TRAF3: variants seen among roughly 807,000 people sequenced by gnomAD.
TRAF3 encodes TNF receptor associated factor 3.
A neutral mutation model predicts 62.3 loss-of-function variants in TRAF3; 13 were observed. That is an observed-to-expected ratio of 0.21 (90% CI 0.14 to 0.33). The LOEUF (loss-of-function observed/expected upper bound fraction) is 0.33, where lower values mean the gene tolerates loss of function less well. Ranked by LOEUF, TRAF3 falls within the 10% of genes least tolerant of loss-of-function variation. The pLI, the probability that TRAF3 is intolerant of heterozygous loss-of-function variation, is 1.00. For missense variants in TRAF3, 440 were observed against 741.8 expected, an observed-to-expected ratio of 0.59 and a Z score of 4.73; for synonymous variants, 269 against 283.4, an observed-to-expected ratio of 0.95 and a Z score of 0.51.
intron 1 of TRAF3, among the ~76,000 whole-genome samples, chr14:102,786,337 T>C (rs7149499): frequency 0.012 from 1,848 of 152,264 alleles, 24 homozygotes; most frequent in African/African-American, 0.042. Flanking sequence ...TTAAAATGAT[T>C]ACAATGATAA....
chr14:102,815,946 A>G (rs141386062), intron 1 of TRAF3, among the ~76,000 whole-genome samples: 24 of 152,272 alleles, frequency 1.6e-4, no homozygotes, highest in African/African-American at 5.8e-4. Flanking sequence ...ACACATGGGG[A>G]TTACAATTCG....
chr14:102,875,087 A>G (rs1888568880), intron 4 of TRAF3, among the ~76,000 whole-genome samples: 1 of 152,250 alleles, frequency 6.6e-6, no homozygotes, highest in Non-Finnish European at 1.5e-5. Flanking sequence ...TTTTAACAGC[A>G]TGACCTTTAG....
At chr14:102,808,726 A>G (rs1898927656) in intron 1 of TRAF3, among the ~76,000 whole-genome samples, 1 of 152,164 alleles carries the variant, frequency 6.6e-6, no homozygotes, top group Admixed American at 6.5e-5. Context: ...GTATTTGGGG[A>G]AAATATGTCC....
At chr14:102,812,414 T>C (rs1004880775) in intron 1 of TRAF3, among the ~76,000 whole-genome samples, 7 of 152,252 alleles carry the variant, frequency 4.6e-5, no homozygotes, top group African/African-American at 1.7e-4. Flanking sequence ...ACACCTAGAT[T>C]GATTCCCTGT....
chr14:102,891,654 A>AT (rs1889720669), intron 9 of TRAF3, among the ~76,000 whole-genome samples: 2 of 151,940 alleles, frequency 1.3e-5, no homozygotes, highest in South Asian at 4.1e-4. Flanking sequence ...CATTGTGATT[A>AT]TTTTAGCATC....
At chr14:102,883,357 C>CA (rs1889177306) in intron 6 of TRAF3, among the ~76,000 whole-genome samples, 2 of 152,240 alleles carry the variant, frequency 1.3e-5, no homozygotes, top group Admixed American at 1.3e-4. Flanking sequence ...TAACAAAATT[C>CA]AAAAACAATC....
At chr14:102,863,258 C>T (rs553579907) in intron 2 of TRAF3, among the ~76,000 whole-genome samples, 1 of 152,220 alleles carries the variant, frequency 6.6e-6, no homozygotes, top group Non-Finnish European at 1.5e-5. Flanking sequence ...TTCCTTCTCC[C>T]CCAGGGTTTA....
intron 1 of TRAF3, among the ~76,000 whole-genome samples, chr14:102,803,183 G>A (rs534617879): frequency 2.0e-5 from 3 of 152,192 alleles, no homozygotes; most frequent in African/African-American, 4.8e-5. Flanking sequence ...AGTGGCTTAC[G>A]CTCCTGGCTT....
chr14:102,828,796 A>G (rs1286714510), intron 1 of TRAF3, among the ~76,000 whole-genome samples: 2 of 152,196 alleles, frequency 1.3e-5, no homozygotes, highest in Non-Finnish European at 2.9e-5. Context: ...ATTATTGAAG[A>G]TGTTCTTTGA....
chr14:102,833,988 C>T (rs1168785677), intron 2 of TRAF3, among the ~76,000 whole-genome samples: 7 of 29,702 alleles, frequency 2.4e-4, no homozygotes, highest in African/African-American at 7.0e-4. Flanking sequence ...GACTTTGTCT[C>T]GGGGGGAAAA....
chr14:102,891,575 G>A (rs984164085), intron 9 of TRAF3, among the ~76,000 whole-genome samples, 158 bp downstream of exon 9: 1 of 152,156 alleles, frequency 6.6e-6, no homozygotes, highest in Non-Finnish European at 1.5e-5. Flanking sequence ...TATAAATGAA[G>A]GTGTTTTATT....
At chr14:102,796,675 G>T (rs543166622) in intron 1 of TRAF3, among the ~76,000 whole-genome samples, 2 of 152,288 alleles carry the variant, frequency 1.3e-5, no homozygotes, top group Non-Finnish European at 1.5e-5. Flanking sequence ...GCCCCTGGTC[G>T]ATGCCCCGGA....
At chr14:102,857,500 G>A (rs2139763013) in intron 2 of TRAF3, among the ~76,000 whole-genome samples, 1 of 152,310 alleles carries the variant, frequency 6.6e-6, no homozygotes, top group African/African-American at 2.4e-5. Context: ...ATAAAAGGAA[G>A]CTTAGATAAG....
chr14:102,799,531 A>G (rs1595296177), intron 1 of TRAF3, among the ~76,000 whole-genome samples: 1 of 151,882 alleles, frequency 6.6e-6, no homozygotes, highest in Non-Finnish European at 1.5e-5. Context: ...GCTCGCTGCA[A>G]CCTCCGTCTC....
In TRAF3 at chr14:102,869,763, G is replaced by A. The variant is rs989488734; in HGVS notation, c.-17-422G>A. On this transcript the variant is annotated intron_variant, in intron 2 of 11. Transcript: ENST00000392745. ...GGAGCTTGCAGTGAGCCAAGATGGC[G>A]CCACTGCACTCCAGCCTGGGCAACA... 2.0e-5 allele frequency among the ~76,000 whole-genome samples: 3 copies of A among 150,568 alleles called. No homozygotes were observed. In the East Asian group the frequency reaches 6.1e-4, roughly 30 times the overall value.
chr14:102,825,171 A>G (rs1046452729), intron 1 of TRAF3, among the ~76,000 whole-genome samples: 17 of 152,236 alleles, frequency 1.1e-4, no homozygotes, highest in African/African-American at 4.1e-4. Flanking sequence ...GGAGGAGGTC[A>G]TGCCAAGTCC....
At position 102,910,829 on chromosome 14, in the gene TRAF3, A is replaced by G. The variant is rs1890830790; in HGVS notation, c.*5045A>G. Reference sequence around the variant, plus strand: ...GGATCGCTGTACCGCTCCTGTAATTAGGTGATGACTGGATTTGACAACTTA... The same window carrying G: ...GGATCGCTGTACCGCTCCTGTAATTGGGTGATGACTGGATTTGACAACTTA... On this transcript the variant is annotated 3_prime_UTR_variant, in exon 12 of 12. Coordinates refer to ENST00000392745, the MANE Select transcript of TRAF3 (RefSeq NM_145725.3). 6.6e-6 allele frequency: 1 copy of G among 152,256 alleles called. No individual in the cohort carries two copies. Among genetic ancestry groups the G allele is most frequent in the Non-Finnish European group, 1.5e-5 (1 of 68,058 alleles). 9.4% of individuals were successfully genotyped at this position (152,256 alleles called of 1,614,324 possible). A position where few individuals can be genotyped will look rare whatever the true frequency, so the allele number is the denominator to read the frequency against.
chr14:102,790,041 TG>T (rs1199975489), intron 1 of TRAF3, among the ~76,000 whole-genome samples: 1 of 152,192 alleles, frequency 6.6e-6, no homozygotes, highest in Non-Finnish European at 1.5e-5. Flanking sequence ...TTGCACAGGC[TG>T]GTCTAGAACC....
intron 1 of TRAF3, among the ~76,000 whole-genome samples, chr14:102,812,587 C>G (rs931807115): frequency 9.9e-5 from 15 of 152,166 alleles, no homozygotes; most frequent in African/African-American, 3.4e-4. Flanking sequence ...TCCATAGTGG[C>G]TGTACTAGTT....
Sources: gnomAD v4.1 joint callset for allele counts (sites outside exome capture counted in the v4.1 genomes callset) on GRCh38, gnomAD v4.1.1 for gene constraint, MANE v1.5 for transcripts, NCBI Gene and HGNC (gene_info 2026-07-23, HGNC 2026-07-21) for gene names.